Variants in CSMD1 observed in about 807,000 individuals in gnomAD.
The protein encoded by CSMD1 is CUB and Sushi multiple domains 1.
In CSMD1, 213 loss-of-function variants were observed where a neutral mutation model predicts 417.5. That is an observed-to-expected ratio of 0.51 (90% CI 0.46 to 0.57). The LOEUF (loss-of-function observed/expected upper bound fraction) is 0.57, where lower values mean the gene tolerates loss of function less well. Ranked by LOEUF, CSMD1 falls within the 20% of genes least tolerant of loss-of-function variation. The pLI, the probability that CSMD1 is intolerant of heterozygous loss-of-function variation, is 0.00. For synonymous variants in CSMD1, 2,862 were observed against 1,736.8 expected (o/e 1.65, Z -16.11); for missense variants, 6,923 against 4,529.7 (o/e 1.53, Z -15.17).
At chr8:3,917,799 GC>G (rs1808929801) in intron 5 of CSMD1, among the ~76,000 whole-genome samples, 2 of 151,964 alleles carry the variant, frequency 1.3e-5, no homozygotes, top group Non-Finnish European at 2.9e-5. Context: ...TATTAGTTTT[GC>G]CATTAGCAAT....
intron 2 of CSMD1, among the ~76,000 whole-genome samples, chr8:4,459,089 C>T (rs577271377): frequency 9.9e-5 from 15 of 152,266 alleles, no homozygotes; most frequent in Admixed American, 6.5e-5. Context: ...CCTGCAGATT[C>T]CAGCCAGGGT....
chr8:4,595,780 A>G (rs749733551), intron 2 of CSMD1, among the ~76,000 whole-genome samples: 55 of 152,168 alleles, frequency 3.6e-4, no homozygotes, highest in Non-Finnish European at 7.9e-4. Context: ...TCATTTCTCC[A>G]TCACAGAACA....
At chr8:4,579,093 A>C (rs1424511463) in intron 2 of CSMD1, among the ~76,000 whole-genome samples, 3 of 151,958 alleles carry the variant, frequency 2.0e-5, no homozygotes, top group Admixed American at 1.3e-4. Flanking sequence ...TACAGTTTAT[A>C]AAGAGTAAGG....
intron 3 of CSMD1, among the ~76,000 whole-genome samples, chr8:4,412,966 C>T (rs915067369): frequency 4.6e-5 from 7 of 152,180 alleles, no homozygotes; most frequent in Admixed American, 1.3e-4. Flanking sequence ...CATCAATGGA[C>T]AGAAGCCATC....
At chr8:3,311,259 T>A (rs530435850) in intron 23 of CSMD1, among the ~76,000 whole-genome samples, 1 of 146,742 alleles carries the variant, frequency 6.8e-6, no homozygotes, top group South Asian at 2.2e-4. Flanking sequence ...AACAAACAAC[T>A]TTTTTTTTTG....
At chr8:3,420,747 T>G (rs917372993) in intron 12 of CSMD1, among the ~76,000 whole-genome samples, 1 of 152,214 alleles carries the variant, frequency 6.6e-6, no homozygotes, top group African/African-American at 2.4e-5. Context: ...AGGCATAGGT[T>G]ATGGAATACT....
intron 1 of CSMD1, among the ~76,000 whole-genome samples, chr8:4,796,312 A>G (rs1384099117): frequency 2.0e-5 from 3 of 151,806 alleles, no homozygotes; most frequent in Non-Finnish European, 4.4e-5. Context: ...TGGAGATGAG[A>G]TGACAAGCGA....
intron 3 of CSMD1, among the ~76,000 whole-genome samples, chr8:4,393,225 A>G (rs148624843): frequency 6.6e-6 from 1 of 151,814 alleles, no homozygotes; most frequent in Admixed American, 6.6e-5. Context: ...ATCTACCCAC[A>G]TCAGCCTCCC....
chr8:4,293,989 T>G (rs374465929), intron 3 of CSMD1, among the ~76,000 whole-genome samples: 1 of 152,200 alleles, frequency 6.6e-6, no homozygotes, highest in Non-Finnish European at 1.5e-5. Flanking sequence ...ACTTACCAAA[T>G]AGTGTGTATA....
At chr8:3,211,743 C>T (rs962610152) in intron 30 of CSMD1, among the ~76,000 whole-genome samples, 1 of 152,178 alleles carries the variant, frequency 6.6e-6, no homozygotes, top group Non-Finnish European at 1.5e-5. Context: ...CAAGCCCGGC[C>T]CTGCCCGCAC....
rs73660825 is a variant in CSMD1, at chr8:4,443,889, T to G, written c.303-23824A>C. Among the ~76,000 whole-genome samples the G allele has an allele frequency of 4.7e-3, 716 of 152,314 alleles. 6 individuals are homozygous for G. The highest frequency in any genetic ancestry group is 0.016 in the African/African-American group (677 of 41,566). On this transcript the variant is annotated intron_variant, in intron 2 of 69. Coordinates refer to ENST00000635120, the MANE Select transcript of CSMD1 (RefSeq NM_033225.6). The stretch of plus-strand genomic sequence containing the variant: ...GTGAAAACACTCAGCTATGTTTTCA[T>G]TTCATCACATCTACAGGAGTCCTCA...
At chr8:3,368,618 C>A (rs147122867) in intron 19 of CSMD1, among the ~76,000 whole-genome samples, 7 of 152,244 alleles carry the variant, frequency 4.6e-5, no homozygotes, top group African/African-American at 9.6e-5. Flanking sequence ...GGATTACAAG[C>A]GTGAGTCACT....
At chr8:3,034,603 T>G (rs2406134) in intron 50 of CSMD1, among the ~76,000 whole-genome samples, 1 of 151,848 alleles carries the variant, frequency 6.6e-6, no homozygotes, top group African/African-American at 2.4e-5. Flanking sequence ...ATATACCTAC[T>G]ACACATAAAT....
intron 26 of CSMD1, among the ~76,000 whole-genome samples, chr8:3,270,592 A>T (rs1801772726): frequency 6.6e-6 from 1 of 152,212 alleles, no homozygotes; most frequent in Non-Finnish European, 1.5e-5. Flanking sequence ...TAACAGGTCG[A>T]CACAGATGCA....
chr8:3,647,232 T>C (rs1797620291), intron 7 of CSMD1, among the ~76,000 whole-genome samples: 1 of 152,182 alleles, frequency 6.6e-6, no homozygotes, highest in African/African-American at 2.4e-5. Context: ...CTGTGAAACT[T>C]CAGCAAGGGA....
At chr8:3,568,260 G>A (rs2116904876) in intron 10 of CSMD1, among the ~76,000 whole-genome samples, 1 of 152,228 alleles carries the variant, frequency 6.6e-6, no homozygotes, top group African/African-American at 2.4e-5. Context: ...CACATATTTT[G>A]TTTTACTCAT....
chr8:4,330,028 A>G (rs111301020), intron 3 of CSMD1, among the ~76,000 whole-genome samples: 6,393 of 152,216 alleles, frequency 0.042, 446 homozygotes, highest in African/African-American at 0.15. Context: ...CAGAACTGTG[A>G]GCCAATTAAA....
intron 1 of CSMD1, among the ~76,000 whole-genome samples, chr8:4,955,319 T>C (rs895562750): frequency 2.6e-5 from 4 of 152,164 alleles, no homozygotes; most frequent in African/African-American, 9.7e-5. Context: ...AAAACTAAGG[T>C]TATAAATACA....
At chr8:3,053,710 T>C (rs567472168) in intron 49 of CSMD1, among the ~76,000 whole-genome samples, 39 of 152,268 alleles carry the variant, frequency 2.6e-4, no homozygotes, top group African/African-American at 9.1e-4. Context: ...CAGATGTATC[T>C]ACTATGGGAC....
Sources: allele counts gnomAD v4.1 joint callset (sites outside exome capture counted in the v4.1 genomes callset), GRCh38; gene constraint gnomAD v4.1.1; transcripts MANE v1.5; gene names NCBI Gene and HGNC (gene_info 2026-07-23, HGNC 2026-07-21).